SCAPER: variants seen among roughly 807,000 people sequenced by gnomAD.
SCAPER encodes S-phase cyclin A associated protein in the ER, also known as S phase cyclin A-associated protein in the endoplasmic reticulum.
SCAPER carries 98 observed loss-of-function variants against 182.2 expected under a neutral mutation model. The observed-to-expected ratio is 0.54, with a 90% CI of 0.46 to 0.64. The LOEUF is 0.64. SCAPER is among the 30% of genes least tolerant of loss of function. The pLI, the probability that SCAPER is intolerant of heterozygous loss-of-function variation, is 0.00. For synonymous variants in SCAPER, 605 were observed against 564.6 expected, an observed-to-expected ratio of 1.07 and a Z score of -1.01; for missense variants, 1,432 against 1,690.0, an observed-to-expected ratio of 0.85 and a Z score of 2.68.
At chr15:76,478,484 A>G (rs1049961942) in intron 24 of SCAPER, among the ~76,000 whole-genome samples, 3 of 151,490 alleles carry the variant, frequency 2.0e-5, no homozygotes, top group Non-Finnish European at 4.4e-5. Flanking sequence ...ATTCTTTCTC[A>G]CTCTCACTAT....
intron 23 of SCAPER, among the ~76,000 whole-genome samples, chr15:76,537,681 C>T (rs2044304772): frequency 6.6e-6 from 1 of 151,838 alleles, no homozygotes; most frequent in Non-Finnish European, 1.5e-5. Flanking sequence ...GTCTAAAACA[C>T]CAAAAGCAAT....
chr15:76,569,723 T>G (rs1188356799), intron 23 of SCAPER, among the ~76,000 whole-genome samples: 2 of 152,090 alleles, frequency 1.3e-5, no homozygotes, highest in African/African-American at 4.8e-5. Context: ...CTTTTCATTT[T>G]CTATATCTTT....
At chr15:76,390,867 T>C (rs1341524743) in intron 27 of SCAPER, among the ~76,000 whole-genome samples, 8 of 152,198 alleles carry the variant, frequency 5.3e-5, no homozygotes. Context: ...AACTGTCATA[T>C]CAGGTGCTGC....
At chr15:76,801,499 T>G (rs1035763783) in intron 6 of SCAPER, among the ~76,000 whole-genome samples, 2 of 152,180 alleles carry the variant, frequency 1.3e-5, no homozygotes, top group African/African-American at 4.8e-5. Context: ...CAAAATAAAT[T>G]TTGATGCATG....
chr15:76,579,487 A>G (rs117271469), intron 22 of SCAPER, among the ~76,000 whole-genome samples: 1 of 151,816 alleles, frequency 6.6e-6, no homozygotes, highest in East Asian at 1.9e-4. Flanking sequence ...TAAAATATCA[A>G]TTGCAAGCTT....
chr15:76,734,855 C>T (rs1019159737), intron 15 of SCAPER, among the ~76,000 whole-genome samples: 2 of 151,818 alleles, frequency 1.3e-5, no homozygotes, highest in Non-Finnish European at 2.9e-5. Context: ...CCAGCCTGGG[C>T]GACAAAGTGA....
intron 27 of SCAPER, among the ~76,000 whole-genome samples, chr15:76,389,528 A>AG (rs1209847383): frequency 1.7e-4 from 19 of 111,396 alleles, no homozygotes; most frequent in African/African-American, 5.3e-4. Context: ...AAAAAAAAAA[A>AG]AAAGGCCGGG....
At chr15:76,780,587 T>A (rs2064059869) in intron 8 of SCAPER, among the ~76,000 whole-genome samples, 2 of 152,206 alleles carry the variant, frequency 1.3e-5, no homozygotes, top group Non-Finnish European at 2.9e-5. Flanking sequence ...AGTGGGTCCC[T>A]AACGCCCAAG....
At chr15:76,773,148 A>G (rs561291820) in intron 9 of SCAPER, among the ~76,000 whole-genome samples, 3 of 151,910 alleles carry the variant, frequency 2.0e-5, no homozygotes, top group Non-Finnish European at 4.4e-5. Context: ...TACACTACTC[A>G]ATCCCACTTA....
chr15:76,705,870 A>T, intron 18 of SCAPER, 33 bp downstream of exon 18: 3 of 1,465,784 alleles, frequency 2.0e-6, no homozygotes, highest in Non-Finnish European at 2.7e-6. Flanking sequence ...GTAAGCTCTA[A>T]AATTTCAAAT....
intron 2 of SCAPER, among the ~76,000 whole-genome samples, chr15:76,878,906 C>G (rs571081845): frequency 2.7e-4 from 41 of 152,188 alleles, no homozygotes; most frequent in African/African-American, 9.9e-4. Flanking sequence ...AATAATCAAA[C>G]AAAGAAGTAC....
At chr15:76,884,831 G>T (rs1418257979) in intron 1 of SCAPER, among the ~76,000 whole-genome samples, 1 of 151,990 alleles carries the variant, frequency 6.6e-6, no homozygotes, top group African/African-American at 2.4e-5. Flanking sequence ...CATAAAAATG[G>T]ATAGACCAAA....
chr15:76,412,654 A>G (rs1219785232), intron 26 of SCAPER, among the ~76,000 whole-genome samples: 2 of 152,146 alleles, frequency 1.3e-5, no homozygotes, highest in Non-Finnish European at 2.9e-5. Flanking sequence ...ATAACTCTGT[A>G]GTAAGTCCCC....
At chr15:76,356,736 C>T (rs1456447056) in intron 29 of SCAPER, among the ~76,000 whole-genome samples, 1 of 152,166 alleles carries the variant, frequency 6.6e-6, no homozygotes, top group East Asian at 1.9e-4. Flanking sequence ...AAGGCCAACA[C>T]AAACATAAAG....
intron 5 of SCAPER, among the ~76,000 whole-genome samples, chr15:76,814,273 T>A (rs1336790937): frequency 6.6e-6 from 1 of 152,168 alleles, no homozygotes; most frequent in South Asian, 2.1e-4. Context: ...AAAATTTGTA[T>A]GGAACTACAA....
At chr15:76,905,259 G>A (rs759110766) in intron 1 of SCAPER, 40 bp downstream of exon 1, 10 of 208,676 alleles carry the variant, frequency 4.8e-5, no homozygotes, top group South Asian at 2.8e-4. Flanking sequence ...ACCCGGACCC[G>A]CCCGGGTCTG....
At chr15:76,751,580 T>C (rs765147618) in intron 15 of SCAPER, among the ~76,000 whole-genome samples, 76 of 151,866 alleles carry the variant, frequency 5.0e-4, no homozygotes, top group Middle Eastern at 3.4e-3. Context: ...CCCTCACAGA[T>C]ATAGTCAAAT....
intron 23 of SCAPER, among the ~76,000 whole-genome samples, chr15:76,528,287 T>C (rs528369336): frequency 6.6e-6 from 1 of 152,290 alleles, no homozygotes; most frequent in Non-Finnish European, 1.5e-5. Flanking sequence ...TTCTATAGAT[T>C]ATCATCCATT....
chr15:76,698,799 G>A (rs1054054086), intron 20 of SCAPER, among the ~76,000 whole-genome samples: 1 of 152,234 alleles, frequency 6.6e-6, no homozygotes, highest in Non-Finnish European at 1.5e-5. Context: ...ATTCTGTGAA[G>A]AATGTCATTG....
Sources: gnomAD v4.1 joint callset for allele counts (sites outside exome capture counted in the v4.1 genomes callset) on GRCh38, gnomAD v4.1.1 for gene constraint, MANE v1.5 for transcripts, NCBI Gene and HGNC (gene_info 2026-07-23, HGNC 2026-07-21) for gene names.